The following FBXO4 variants were observed in gnomAD, a reference collection of about 807,000 sequenced individuals.
The protein encoded by FBXO4 is F-box only protein 4.
Under a neutral mutation model 43.7 loss-of-function variants are expected in FBXO4, and 36 were observed. That is an observed-to-expected ratio of 0.82 (90% confidence interval 0.63 to 1.09). The LOEUF is 1.09. FBXO4 is among the 50% of genes least tolerant of loss of function. FBXO4 has a pLI of 0.00. For missense variants in FBXO4, 435 were observed against 474.1 expected, an observed-to-expected ratio of 0.92 and a Z score of 0.77; for synonymous variants, 180 against 165.6, an observed-to-expected ratio of 1.09 and a Z score of -0.67.
the FBXO4 span, among the ~76,000 whole-genome samples, chr5:42,013,478 C>T: frequency 6.6e-6 from 1 of 152,140 alleles, no homozygotes; most frequent in Non-Finnish European, 1.5e-5. Flanking sequence ...CATTCCCAAA[C>T]CACTCAGGAG....
the FBXO4 span, among the ~76,000 whole-genome samples, chr5:42,040,250 A>G: frequency 2.6e-5 from 4 of 151,962 alleles, no homozygotes; most frequent in Non-Finnish European, 5.9e-5. Context: ...ATAATTTAAT[A>G]TGTGTGTGTG....
the FBXO4 span, among the ~76,000 whole-genome samples, chr5:42,011,628 T>C: frequency 6.6e-6 from 1 of 152,248 alleles, no homozygotes; most frequent in Non-Finnish European, 1.5e-5. Context: ...TAGCTGAGGC[T>C]CTATTGTTTC....
the FBXO4 span, among the ~76,000 whole-genome samples, chr5:41,981,939 C>T: frequency 1.2e-3 from 176 of 148,760 alleles, 1 homozygote; most frequent in Middle Eastern, 0.011. Flanking sequence ...GTGATGTTCC[C>T]CTTCCTGTGC....
At chr5:41,940,954 T>C (rs1751989750) in intron 6 of FBXO4, among the ~76,000 whole-genome samples, 2 of 152,222 alleles carry the variant, frequency 1.3e-5, no homozygotes, top group African/African-American at 4.8e-5. Flanking sequence ...GGTAGTTCTT[T>C]CCATTTCCAA....
the FBXO4 span, among the ~76,000 whole-genome samples, chr5:41,993,877 T>C: frequency 2.6e-5 from 4 of 152,040 alleles, no homozygotes; most frequent in African/African-American, 9.7e-5. Flanking sequence ...GGCTGCTTTA[T>C]ATTGGCTGGC....
At chr5:42,011,232 G>A in the FBXO4 span, among the ~76,000 whole-genome samples, 136 of 152,308 alleles carry the variant, frequency 8.9e-4, no homozygotes, top group African/African-American at 2.8e-3. Context: ...GAGAGGCGGG[G>A]CCTAGTGGGA....
the FBXO4 span, among the ~76,000 whole-genome samples, chr5:42,000,845 T>C: frequency 6.6e-6 from 1 of 152,174 alleles, no homozygotes; most frequent in African/African-American, 2.4e-5. Flanking sequence ...CTTTCCCCCA[T>C]TGTGTGTTCT....
chr5:41,962,582 GCCCTTAGATTT>G, the FBXO4 span, among the ~76,000 whole-genome samples: 1 of 152,094 alleles, frequency 6.6e-6, no homozygotes. Context: ...CTTATGCCTT[GCCCTTAGATTT>G]CATGAGGTCC....
the FBXO4 span, among the ~76,000 whole-genome samples, chr5:42,033,888 G>A: frequency 6.6e-6 from 1 of 152,182 alleles, no homozygotes; most frequent in African/African-American, 2.4e-5. Flanking sequence ...TAATGGGATT[G>A]CTGAGTAAAA....
chr5:41,986,706 A>T, the FBXO4 span, among the ~76,000 whole-genome samples: 1 of 152,208 alleles, frequency 6.6e-6, no homozygotes, highest in African/African-American at 2.4e-5. Context: ...TAGCACAAAG[A>T]CCCCAAATTA....
At chr5:41,947,175 C>G in the FBXO4 span, among the ~76,000 whole-genome samples, 1 of 151,988 alleles carries the variant, frequency 6.6e-6, no homozygotes, top group Non-Finnish European at 1.5e-5. Context: ...ACAAATGAGA[C>G]TGGGGCAAAT....
the FBXO4 span, among the ~76,000 whole-genome samples, chr5:42,023,239 A>G: frequency 6.6e-6 from 1 of 152,130 alleles, no homozygotes; most frequent in African/African-American, 2.4e-5. Flanking sequence ...AGCACATAGT[A>G]TGAAGATATA....
the FBXO4 span, among the ~76,000 whole-genome samples, chr5:42,031,410 G>A: frequency 6.9e-6 from 1 of 145,582 alleles, no homozygotes; most frequent in African/African-American, 2.5e-5. Context: ...ATTGAACAAT[G>A]AGAACACATG....
At chr5:41,999,255 T>C in the FBXO4 span, among the ~76,000 whole-genome samples, 2 of 150,902 alleles carry the variant, frequency 1.3e-5, no homozygotes, top group Admixed American at 1.3e-4. Flanking sequence ...GGTCTAATCA[T>C]ATTAAGCAGC....
chr5:41,976,238 C>A, the FBXO4 span, among the ~76,000 whole-genome samples: 23 of 152,138 alleles, frequency 1.5e-4, no homozygotes, highest in Non-Finnish European at 1.8e-4. Context: ...CCTGACCCAC[C>A]AAATCTCATG....
Position 41,927,056 on chromosome 5 carries a change from A to G in FBXO4, c.233A>G (p.Asp78Gly). The G allele has an allele frequency of 6.2e-7, 1 of 1,613,516 alleles. No homozygotes were observed. Among genetic ancestry groups the G allele is most frequent in the South Asian group, 1.1e-5 (1 of 90,974 alleles). Residue 78 changes from aspartate to glycine, a missense_variant, in exon 2 of 7, where the codon GAT (aspartate) becomes GGT (glycine). Asp to Gly is a moderately conservative substitution (Grantham distance 94). Transcript: ENST00000281623. ...ATTTTGTCCTTTCTTTCACCTCATG[A>G]TCTGTGTCAGTTGGGAAGTACAAAT... ...LYILSFLSPH[D>G]LCQLGSTNHY...
intron 6 of FBXO4, 122 bp from the exon 7 acceptor site, chr5:41,941,070 A>C (rs1751991958): frequency 1.5e-6 from 1 of 657,652 alleles, no homozygotes; most frequent in South Asian, 2.4e-5. Context: ...CAACTTATCC[A>C]AAGTTTATTG....
the FBXO4 span, among the ~76,000 whole-genome samples, chr5:42,010,805 C>G: frequency 6.6e-6 from 1 of 152,166 alleles, no homozygotes; most frequent in Non-Finnish European, 1.5e-5. Flanking sequence ...TTATACATTT[C>G]TACCAGCAAT....
At chr5:41,996,046 C>T in the FBXO4 span, among the ~76,000 whole-genome samples, 1 of 152,154 alleles carries the variant, frequency 6.6e-6, no homozygotes, top group Non-Finnish European at 1.5e-5. Flanking sequence ...GTCTTCTCTT[C>T]CCCTGTCAGC....
Sources: allele counts gnomAD v4.1 joint callset (sites outside exome capture counted in the v4.1 genomes callset), GRCh38; gene constraint gnomAD v4.1.1; transcripts MANE v1.5; gene names NCBI Gene and HGNC (gene_info 2026-07-23, HGNC 2026-07-21).